The following RAPGEF4 variants were observed in gnomAD, a reference collection of about 807,000 sequenced individuals.
The protein encoded by RAPGEF4 is Rap guanine nucleotide exchange factor 4, also known as RAP guanine-nucleotide-exchange factor (GEF) 4.
A neutral mutation model predicts 147.9 loss-of-function variants in RAPGEF4; 66 were observed. The ratio of observed to expected loss-of-function variants is 0.45; its 90% CI spans 0.37 to 0.55. The LOEUF (loss-of-function observed/expected upper bound fraction) is 0.55. Ranked by LOEUF, RAPGEF4 falls within the 20% of genes least tolerant of loss-of-function variation. RAPGEF4 has a pLI of 0.00. For missense variants in RAPGEF4, 1,071 were observed against 1,257.3 expected (o/e 0.85, Z 2.24); for synonymous variants, 419 against 442.7 (o/e 0.95, Z 0.67).
chr2:172,886,873 A>G (rs1697284879), intron 4 of RAPGEF4, among the ~76,000 whole-genome samples: 1 of 152,176 alleles, frequency 6.6e-6, no homozygotes, highest in Admixed American at 6.5e-5. Flanking sequence ...TTTACGTGGG[A>G]AAGCATGCCC....
intron 6 of RAPGEF4, among the ~76,000 whole-genome samples, chr2:172,931,484 A>T (rs554490939): frequency 6.6e-6 from 1 of 152,168 alleles, no homozygotes; most frequent in Non-Finnish European, 1.5e-5. Flanking sequence ...ACAAATGGAA[A>T]GTCATTCATC....
At chr2:172,738,103 T>C (rs946480971) in intron 1 of RAPGEF4, among the ~76,000 whole-genome samples, 1 of 152,226 alleles carries the variant, frequency 6.6e-6, no homozygotes, top group African/African-American at 2.4e-5. Flanking sequence ...GTTTATTTAT[T>C]TATTTTTTTT....
intron 1 of RAPGEF4, among the ~76,000 whole-genome samples, chr2:172,748,799 C>G (rs1449040685): frequency 6.6e-6 from 1 of 152,224 alleles, no homozygotes; most frequent in African/African-American, 2.4e-5. Flanking sequence ...GCCTATGAGG[C>G]TGTAAAATCA....
intron 6 of RAPGEF4, among the ~76,000 whole-genome samples, chr2:172,944,783 A>G (rs185601332): frequency 6.6e-6 from 1 of 152,190 alleles, no homozygotes; most frequent in East Asian, 1.9e-4. Context: ...TCCAAAAAAA[A>G]TTATGTCCAC....
At chr2:172,875,207 C>T (rs1456817706) in intron 4 of RAPGEF4, among the ~76,000 whole-genome samples, 2 of 152,120 alleles carry the variant, frequency 1.3e-5, no homozygotes, top group African/African-American at 2.4e-5. Flanking sequence ...TGCCTGTTGA[C>T]CCTGATGGTA....
At chr2:172,784,773 A>C (rs1685031190) in intron 1 of RAPGEF4, among the ~76,000 whole-genome samples, 1 of 152,204 alleles carries the variant, frequency 6.6e-6, no homozygotes, top group Non-Finnish European at 1.5e-5. Context: ...ACATGATTTT[A>C]GCATACTAAT....
chr2:172,788,340 T>C (rs1685448744), intron 1 of RAPGEF4, among the ~76,000 whole-genome samples: 1 of 152,126 alleles, frequency 6.6e-6, no homozygotes, highest in South Asian at 2.1e-4. Flanking sequence ...AGAGATGTTA[T>C]CAATTGGATT....
chr2:173,008,103 T>C (rs1694668980), intron 17 of RAPGEF4, among the ~76,000 whole-genome samples: 1 of 152,080 alleles, frequency 6.6e-6, no homozygotes, highest in South Asian at 2.1e-4. Flanking sequence ...AGTGAGTGAG[T>C]TCTCATGAGA....
intron 6 of RAPGEF4, among the ~76,000 whole-genome samples, chr2:172,922,683 T>C (rs1036240650): frequency 4.6e-5 from 7 of 152,248 alleles, no homozygotes; most frequent in African/African-American, 1.7e-4. Flanking sequence ...CAGGGTCAGT[T>C]GATGAATTTG....
chr2:172,802,492 C>A (rs1687079438), intron 3 of RAPGEF4, among the ~76,000 whole-genome samples: 1 of 152,132 alleles, frequency 6.6e-6, no homozygotes, highest in Admixed American at 6.5e-5. Context: ...GAAAGACCCA[C>A]CCCCATAATT....
At chr2:172,799,603 G>C (rs1212735049) in intron 3 of RAPGEF4, among the ~76,000 whole-genome samples, 1 of 152,124 alleles carries the variant, frequency 6.6e-6, no homozygotes, top group Non-Finnish European at 1.5e-5. Flanking sequence ...ATGTTCCCTG[G>C]GGACAGGGCC....
chr2:172,828,829 G>A (rs891437917), intron 4 of RAPGEF4, among the ~76,000 whole-genome samples: 9 of 152,280 alleles, frequency 5.9e-5, no homozygotes, highest in African/African-American at 2.2e-4. Flanking sequence ...AGGGAATCAT[G>A]GCAGCCCGTT....
At chr2:172,972,548 A>T in intron 10 of RAPGEF4, among the ~76,000 whole-genome samples, 1 of 152,194 alleles carries the variant, frequency 6.6e-6, no homozygotes, top group East Asian at 1.9e-4. Context: ...CTTGGTCTTT[A>T]CTGGAAAGAT....
chr2:172,838,919 C>T (rs1476968967), intron 4 of RAPGEF4, among the ~76,000 whole-genome samples: 1 of 151,998 alleles, frequency 6.6e-6, no homozygotes, highest in Non-Finnish European at 1.5e-5. Context: ...TCTTAAGAAG[C>T]ACAAATTAAT....
intron 30 of RAPGEF4, among the ~76,000 whole-genome samples, chr2:173,051,220 C>T (rs951573298): frequency 5.9e-5 from 9 of 152,172 alleles, no homozygotes; most frequent in Non-Finnish European, 8.8e-5. Flanking sequence ...AGATGTTAAG[C>T]GCTTTTGTGA....
chr2:172,771,247 T>C (rs1440919749), intron 1 of RAPGEF4, among the ~76,000 whole-genome samples: 1 of 152,050 alleles, frequency 6.6e-6, no homozygotes, highest in Non-Finnish European at 1.5e-5. Context: ...CCTCTTGCTG[T>C]GGAAGGGGAG....
chr2:172,918,666 G>T (rs1341413127), intron 5 of RAPGEF4, among the ~76,000 whole-genome samples: 1 of 152,086 alleles, frequency 6.6e-6, no homozygotes, highest in Non-Finnish European at 1.5e-5. Context: ...ATCTGTTCAT[G>T]CATGTCGGAA....
chr2:172,958,717 AG>A (rs1459852660), intron 6 of RAPGEF4, among the ~76,000 whole-genome samples: 1 of 152,216 alleles, frequency 6.6e-6, no homozygotes, highest in Non-Finnish European at 1.5e-5. Context: ...TGATTTCAAG[AG>A]GGGAAAAAAG....
chr2:172,792,891 G>A (rs760709364), intron 1 of RAPGEF4, among the ~76,000 whole-genome samples: 27 of 152,132 alleles, frequency 1.8e-4, no homozygotes, highest in Admixed American at 7.2e-4. Context: ...CCATCTTGTG[G>A]CTATGGCATG....
Sources: gnomAD v4.1 joint callset for allele counts (sites outside exome capture counted in the v4.1 genomes callset) on GRCh38, gnomAD v4.1.1 for gene constraint, MANE v1.5 for transcripts, NCBI Gene and HGNC (gene_info 2026-07-23, HGNC 2026-07-21) for gene names.